The following FRMD4B variants were observed in gnomAD, a reference collection of about 807,000 sequenced individuals.
FRMD4B encodes FERM domain-containing protein 4B.
Under a neutral mutation model 141.5 loss-of-function variants are expected in FRMD4B, and 74 were observed. The observed-to-expected ratio is 0.52, with a 90% confidence interval of 0.43 to 0.63. The LOEUF is 0.63. FRMD4B is among the 30% of genes least tolerant of loss of function. The probability of loss-of-function intolerance (pLI) is 0.00; values close to 1 mark genes in which losing one functional copy is unlikely to be tolerated. For synonymous variants in FRMD4B, 506 were observed against 467.9 expected, an observed-to-expected ratio of 1.08 and a Z score of -1.05; for missense variants, 1,366 against 1,253.4, an observed-to-expected ratio of 1.09 and a Z score of -1.36.
intron 1 of FRMD4B, among the ~76,000 whole-genome samples, chr3:69,496,641 G>GAGAC: frequency 1.7e-5 from 1 of 60,418 alleles, no homozygotes; most frequent in African/African-American, 7.1e-5. Flanking sequence ...GAGAGAAAGA[G>GAGAC]AGAGAGAGAG....
intron 11 of FRMD4B, among the ~76,000 whole-genome samples, chr3:69,207,377 T>G (rs1184802423): frequency 1.3e-5 from 2 of 152,078 alleles, no homozygotes; most frequent in African/African-American, 4.8e-5. Flanking sequence ...ATAGAACTAT[T>G]TTTTACAGTG....
At chr3:69,532,508 A>G (rs1701020897) in intron 1 of FRMD4B, among the ~76,000 whole-genome samples, 1 of 152,226 alleles carries the variant, frequency 6.6e-6, no homozygotes, top group African/African-American at 2.4e-5. Context: ...GTCAATACCC[A>G]TTTGACAAAT....
At chr3:69,378,513 T>C (rs1031365289) in intron 1 of FRMD4B, among the ~76,000 whole-genome samples, 2 of 152,204 alleles carry the variant, frequency 1.3e-5, no homozygotes, top group Admixed American at 1.3e-4. Flanking sequence ...ATTATTGCTT[T>C]AAGCCACCAG....
chr3:69,286,460 A>T (rs1002998888), intron 5 of FRMD4B, among the ~76,000 whole-genome samples: 1 of 21,104 alleles, frequency 4.7e-5, no homozygotes, highest in South Asian at 7.4e-3. Flanking sequence ...AGACTTGATA[A>T]GTTAAAAATG....
chr3:69,338,064 C>T (rs912373657), intron 1 of FRMD4B, among the ~76,000 whole-genome samples: 19 of 152,210 alleles, frequency 1.2e-4, no homozygotes, highest in Admixed American at 2.0e-4. Flanking sequence ...ACCCAAATGT[C>T]CAACAATGAT....
intron 1 of FRMD4B, among the ~76,000 whole-genome samples, chr3:69,357,875 T>C (rs1843047): frequency 0.99 from 151,469 of 152,344 alleles, 75,306 homozygotes; most frequent in Middle Eastern, 1. Flanking sequence ...CCTCATAACT[T>C]CTCATCCTTC....
chr3:69,458,195 T>C (rs1171729724), intron 1 of FRMD4B, among the ~76,000 whole-genome samples: 3 of 152,192 alleles, frequency 2.0e-5, no homozygotes, highest in Non-Finnish European at 2.9e-5. Flanking sequence ...AAAGTGCTCA[T>C]AGATGGAGTC....
intron 1 of FRMD4B, chr3:69,536,682 C>A: frequency 1.4e-6 from 1 of 739,526 alleles, no homozygotes; most frequent in East Asian, 2.7e-5. Context: ...GGTGACACTC[C>A]CAGGAGGGGA....
At chr3:69,254,617 G>T (rs987542307) in intron 5 of FRMD4B, among the ~76,000 whole-genome samples, 4 of 152,072 alleles carry the variant, frequency 2.6e-5, no homozygotes, top group African/African-American at 9.7e-5. Flanking sequence ...TGATCATAAG[G>T]TATGCATGGA....
At chr3:69,264,677 C>T (rs1196140275) in intron 5 of FRMD4B, among the ~76,000 whole-genome samples, 1 of 151,976 alleles carries the variant, frequency 6.6e-6, no homozygotes, top group African/African-American at 2.4e-5. Flanking sequence ...ACAAAAGTAG[C>T]AGGAAAATAA....
intron 9 of FRMD4B, among the ~76,000 whole-genome samples, chr3:69,220,929 C>T (rs1029741521): frequency 3.3e-5 from 5 of 151,380 alleles, no homozygotes; most frequent in Non-Finnish European, 5.9e-5. Context: ...TCAGTTTTCA[C>T]GGGCATAGAA....
intron 1 of FRMD4B, among the ~76,000 whole-genome samples, chr3:69,344,921 A>G (rs1702880250): frequency 6.6e-6 from 1 of 152,014 alleles, no homozygotes; most frequent in Non-Finnish European, 1.5e-5. Context: ...GATGCAGAAG[A>G]TGGGTGATTT....
chr3:69,520,763 C>T (rs2107129191), intron 1 of FRMD4B, among the ~76,000 whole-genome samples: 1 of 152,236 alleles, frequency 6.6e-6, no homozygotes, highest in East Asian at 1.9e-4. Context: ...ATCCTTGCTC[C>T]TGCTCCTTGA....
chr3:69,518,523 G>C (rs987168296), intron 1 of FRMD4B, among the ~76,000 whole-genome samples: 6 of 152,128 alleles, frequency 3.9e-5, no homozygotes, highest in African/African-American at 9.7e-5. Flanking sequence ...ATAGAATTTG[G>C]CACTAGAAAT....
chr3:69,338,735 A>C (rs1375745970), intron 1 of FRMD4B, among the ~76,000 whole-genome samples: 1 of 152,282 alleles, frequency 6.6e-6, no homozygotes, highest in East Asian at 1.9e-4. Flanking sequence ...GTTGAGTACT[A>C]CTATGCTTAT....
In FRMD4B at chr3:69,351,260, T is replaced by A. The variant is rs1396373727; in HGVS notation, c.162+34568A>T. The stretch of plus-strand genomic sequence containing the variant: ...GGAAAATATTGCATTTAAAATTTTT[T>A]CTAGTTTTCCAACATTAAGCAAGAA... On this transcript the variant is annotated intron_variant, in intron 1 of 22. Transcript: ENST00000398540. Among the ~76,000 whole-genome samples the A allele has an allele frequency of 2.0e-5, 3 of 152,344 alleles. No individual in the cohort carries two copies. The East Asian group carries it at 5.8e-4, about 29-fold the overall frequency.
At chr3:69,303,052 C>A (rs954887026) in intron 3 of FRMD4B, among the ~76,000 whole-genome samples, 1 of 151,860 alleles carries the variant, frequency 6.6e-6, no homozygotes. Context: ...CCAGCCTGGG[C>A]AACATCCCCT....
chr3:69,245,759 G>A (rs2093421022), intron 7 of FRMD4B, among the ~76,000 whole-genome samples: 1 of 149,408 alleles, frequency 6.7e-6, no homozygotes, highest in African/African-American at 2.5e-5. Flanking sequence ...CACCTCCTGG[G>A]TTCAAGCAAT....
intron 1 of FRMD4B, among the ~76,000 whole-genome samples, chr3:69,366,592 G>A (rs539704442): frequency 6.6e-6 from 1 of 152,226 alleles, no homozygotes; most frequent in South Asian, 2.1e-4. Context: ...TATATGCCCT[G>A]TTAATAACCA....
Sources: gnomAD v4.1 joint callset for allele counts (sites outside exome capture counted in the v4.1 genomes callset) on GRCh38, gnomAD v4.1.1 for gene constraint, MANE v1.5 for transcripts, NCBI Gene and HGNC (gene_info 2026-07-23, HGNC 2026-07-21) for gene names.